Variants in APP observed in about 807,000 individuals in gnomAD.
APP encodes the protein amyloid beta precursor protein, also known as amyloid-beta precursor protein.
Under a neutral mutation model 101.4 loss-of-function variants are expected in APP, and 31 were observed. The ratio of observed to expected loss-of-function variants is 0.31; its 90% CI spans 0.23 to 0.41. APP has a LOEUF of 0.41. APP is among the 10% of genes least tolerant of loss of function. The pLI, the probability that APP is intolerant of heterozygous loss-of-function variation, is 1.00. For synonymous variants in APP, 366 were observed against 364.4 expected (o/e 1.00, Z -0.05); for missense variants, 839 against 1,003.7 (o/e 0.84, Z 2.22).
intron 16 of APP, among the ~76,000 whole-genome samples, chr21:25,893,972 G>GT (rs1266682143): frequency 6.6e-6 from 1 of 152,208 alleles, no homozygotes; most frequent in Non-Finnish European, 1.5e-5. Flanking sequence ...TGGCGACTTT[G>GT]TTTTTGAAGC....
intron 3 of APP, among the ~76,000 whole-genome samples, chr21:26,083,767 C>T (rs2061644209): frequency 6.6e-6 from 1 of 152,100 alleles, no homozygotes; most frequent in African/African-American, 2.4e-5. Context: ...TTCTGTGCTT[C>T]AAGAAAATAT....
chr21:26,163,131 T>C (rs749904661), intron 1 of APP, among the ~76,000 whole-genome samples: 6 of 147,254 alleles, frequency 4.1e-5, no homozygotes, highest in Non-Finnish European at 7.5e-5. Flanking sequence ...AACCCAGCTA[T>C]TCAGGAGGCT....
rs188433801 is a variant in APP, at chr21:25,975,967, T to C, written c.1286A>G (p.Lys429Arg). The change falls in exon 10 of 18, where the codon AAG (lysine) becomes AGG (arginine). Residue 429 changes from lysine to arginine, a missense_variant. Transcript: ENST00000346798. Reference sequence around the variant, plus strand: ...TTCAGGTTTTACCTGGATAACTGCCTTCTTATCAGCTTTAGGCAAGTTCTT... The same window carrying C: ...TTCAGGTTTTACCTGGATAACTGCCCTCTTATCAGCTTTAGGCAAGTTCTT... ...QAKNLPKADK[K>R]AVIQHFQEKV... 4.3e-6 allele frequency: 7 copies of C among 1,613,906 alleles called. No individual in the cohort carries two copies. In the East Asian group the frequency reaches 1.6e-4, roughly 36 times the overall value.
At chr21:26,090,981 G>A (rs1388180772) in intron 2 of APP, among the ~76,000 whole-genome samples, 59 of 152,186 alleles carry the variant, frequency 3.9e-4, no homozygotes, top group Admixed American at 6.5e-5. Flanking sequence ...AGAATGAAAT[G>A]TGAAACTTGA....
At chr21:26,169,162 A>G (rs779572301) in intron 1 of APP, 1 of 152,292 alleles carries the variant, frequency 6.6e-6, no homozygotes, top group Non-Finnish European at 1.5e-5. Context: ...GTCATTGTGC[A>G]CAGGCGTTAG....
chr21:26,094,806 G>C (rs2061904277), intron 2 of APP, among the ~76,000 whole-genome samples: 1 of 151,138 alleles, frequency 6.6e-6, no homozygotes, highest in African/African-American at 2.4e-5. Context: ...TAAATAGAAA[G>C]CTCTATAAAT....
At chr21:25,919,939 G>A (rs1005112266) in intron 13 of APP, among the ~76,000 whole-genome samples, 3 of 115,358 alleles carry the variant, frequency 2.6e-5, no homozygotes, top group African/African-American at 3.7e-5. Context: ...ATTCACCAAA[G>A]TTGAAATGAA....
At chr21:26,044,209 T>C (rs935985826) in intron 5 of APP, among the ~76,000 whole-genome samples, 3 of 152,214 alleles carry the variant, frequency 2.0e-5, no homozygotes, top group African/African-American at 4.8e-5. Context: ...TGAGGATCAC[T>C]TGAGCCCAGG....
At chr21:26,077,905 G>A (rs183151787) in intron 3 of APP, among the ~76,000 whole-genome samples, 18 of 152,104 alleles carry the variant, frequency 1.2e-4, no homozygotes, top group African/African-American at 3.6e-4. Flanking sequence ...AGAGAAAGAC[G>A]ACAGAATTTA....
intron 1 of APP, among the ~76,000 whole-genome samples, chr21:26,165,951 C>A (rs531322180): frequency 6.6e-6 from 1 of 152,142 alleles, no homozygotes. Flanking sequence ...CTAGAGCAAT[C>A]ATTGTACTCC....
chr21:25,923,372 G>T (rs916086188), intron 13 of APP, among the ~76,000 whole-genome samples: 3 of 147,484 alleles, frequency 2.0e-5, no homozygotes, highest in Non-Finnish European at 4.4e-5. Context: ...AAGCCAAAAT[G>T]GACAAATGGG....
At chr21:26,026,486 C>T (rs2044580695) in intron 5 of APP, among the ~76,000 whole-genome samples, 1 of 152,176 alleles carries the variant, frequency 6.6e-6, no homozygotes, top group Admixed American at 6.5e-5. Flanking sequence ...CTAACTAAAG[C>T]TGACCTTGAT....
intron 11 of APP, among the ~76,000 whole-genome samples, chr21:25,972,047 A>G (rs900872349): frequency 6.6e-6 from 1 of 152,262 alleles, no homozygotes; most frequent in Admixed American, 6.5e-5. Context: ...AATAATAAGC[A>G]ATCAAAATTG....
At chr21:26,137,889 A>G (rs995768261) in intron 1 of APP, among the ~76,000 whole-genome samples, 41 of 152,134 alleles carry the variant, frequency 2.7e-4, no homozygotes, top group Non-Finnish European at 1.8e-4. Context: ...GGCTGTTCCA[A>G]TGATTTTCCT....
At chr21:26,113,201 T>G (rs945624378) in intron 1 of APP, among the ~76,000 whole-genome samples, 1 of 152,160 alleles carries the variant, frequency 6.6e-6, no homozygotes, top group Non-Finnish European at 1.5e-5. Flanking sequence ...GAGACACCCA[T>G]GCCAAGAAGA....
At position 26,151,316 on chromosome 21, in the gene APP, T is replaced by C. The variant is rs1407310139; in HGVS notation, c.57+19248A>G. Among the ~76,000 whole-genome samples, 4 of 152,140 alleles carry C rather than the reference T, an allele frequency of 2.6e-5. No individual in the cohort carries two copies. In the East Asian group the frequency reaches 7.7e-4, roughly 29 times the overall value. ...AACTGAAATCACAATTTCACTAATA[T>C]CTACATTCCAGCTCCAGCTACATTT... On this transcript the variant is annotated intron_variant, in intron 1 of 17. Transcript: ENST00000346798.
chr21:25,914,800 G>A (rs543617718), intron 13 of APP, among the ~76,000 whole-genome samples: 9 of 152,204 alleles, frequency 5.9e-5, no homozygotes, highest in East Asian at 1.9e-4. Flanking sequence ...TGATCCGCCC[G>A]CCTCGGCTTC....
chr21:26,059,605 C>T (rs2046185105), intron 3 of APP, among the ~76,000 whole-genome samples: 1 of 152,056 alleles, frequency 6.6e-6, no homozygotes, highest in African/African-American at 2.4e-5. Context: ...TAAGAGAAGG[C>T]AAGGGCCGGG....
At chr21:26,143,671 C>T (rs781345124) in intron 1 of APP, among the ~76,000 whole-genome samples, 2 of 152,174 alleles carry the variant, frequency 1.3e-5, no homozygotes, top group Non-Finnish European at 2.9e-5. Context: ...CTCATAACTG[C>T]AAGTTTGCAC....
Sources: gnomAD v4.1 joint callset for allele counts (sites outside exome capture counted in the v4.1 genomes callset) on GRCh38, gnomAD v4.1.1 for gene constraint, MANE v1.5 for transcripts, NCBI Gene and HGNC (gene_info 2026-07-23, HGNC 2026-07-21) for gene names.